Variants in RIT2 observed in about 807,000 individuals in gnomAD.
RIT2 encodes GTP-binding protein Rit2.
RIT2 carries 24 observed loss-of-function variants against 23.7 expected under a neutral mutation model. The observed-to-expected ratio is 1.01, with a 90% CI of 0.73 to 1.43. The LOEUF (loss-of-function observed/expected upper bound fraction) is 1.43. Among genes scored for constraint, RIT2 ranks in the 40% most tolerant of loss-of-function variants. RIT2 has a pLI of 0.00. For missense variants in RIT2, 236 were observed against 266.9 expected, an observed-to-expected ratio of 0.88 and a Z score of 0.81; for synonymous variants, 107 against 91.1, an observed-to-expected ratio of 1.17 and a Z score of -0.99.
intron 3 of RIT2, among the ~76,000 whole-genome samples, chr18:42,965,711 CT>C (rs58344278): frequency 3.9e-3 from 146 of 37,728 alleles, no homozygotes; most frequent in East Asian, 5.2e-3. Context: ...GTACTGATGG[CT>C]TTTTTTTTTT....
chr18:43,064,760 TA>T (rs1912730932), intron 1 of RIT2, among the ~76,000 whole-genome samples: 1 of 152,174 alleles, frequency 6.6e-6, no homozygotes, highest in South Asian at 2.1e-4. Flanking sequence ...TCACTTTACC[TA>T]AAAATTTAAC....
At chr18:42,956,678 T>C (rs1413179381) in intron 3 of RIT2, among the ~76,000 whole-genome samples, 3 of 152,118 alleles carry the variant, frequency 2.0e-5, no homozygotes, top group African/African-American at 7.2e-5. Context: ...GTCTCTTACA[T>C]GTGGGTTAGC....
At chr18:43,020,467 C>T (rs1439890883) in intron 2 of RIT2, among the ~76,000 whole-genome samples, 2 of 151,928 alleles carry the variant, frequency 1.3e-5, no homozygotes, top group African/African-American at 2.4e-5. Flanking sequence ...GCCTGAGCAA[C>T]AGAGTGAGAC....
At chr18:42,794,118 A>G (rs1232354897) in intron 4 of RIT2, among the ~76,000 whole-genome samples, 2 of 152,212 alleles carry the variant, frequency 1.3e-5, no homozygotes, top group East Asian at 1.9e-4. Context: ...TTTTCCTCCA[A>G]GAAAACAGTT....
chr18:42,980,225 G>A (rs1417566998), intron 2 of RIT2, among the ~76,000 whole-genome samples: 1 of 152,040 alleles, frequency 6.6e-6, no homozygotes, highest in African/African-American at 2.4e-5. Context: ...TGAAGACAGG[G>A]TACCACAAGG....
At position 42,858,310 on chromosome 18, in the gene RIT2, T is replaced by C. The variant is rs555169357; in HGVS notation, c.426+65262A>G. Among the ~76,000 whole-genome samples the C allele has an allele frequency of 3.3e-5, 5 of 152,332 alleles. No homozygotes were observed. In the East Asian group the frequency reaches 9.6e-4, roughly 29 times the overall value. ...TCTGCACTTCTGTATGAATACCTGT[T>C]CTGCTCTGGAATCTAAGAGCTCTCA... On this transcript the variant is annotated intron_variant, in intron 4 of 4. Coordinates refer to ENST00000326695, the MANE Select transcript of RIT2 (RefSeq NM_002930.4).
intron 1 of RIT2, among the ~76,000 whole-genome samples, chr18:43,065,291 C>T (rs1222603799): frequency 1.4e-5 from 2 of 142,232 alleles, no homozygotes; most frequent in African/African-American, 5.3e-5. Flanking sequence ...CAGTGTGGCA[C>T]ACAATTATAG....
At chr18:42,797,652 G>A (rs1905407542) in intron 4 of RIT2, among the ~76,000 whole-genome samples, 1 of 152,084 alleles carries the variant, frequency 6.6e-6, no homozygotes, top group African/African-American at 2.4e-5. Flanking sequence ...GAGTCACTAT[G>A]AGGCCTTGAA....
intron 1 of RIT2, 50 bp from the exon 2 acceptor site, chr18:43,033,917 A>G: frequency 2.3e-6 from 3 of 1,291,822 alleles, no homozygotes; most frequent in Non-Finnish European, 3.3e-6. Context: ...CTAATTCATC[A>G]ATAAGTTATT....
chr18:42,881,610 G>A (rs1598697737), intron 4 of RIT2, among the ~76,000 whole-genome samples: 1 of 152,132 alleles, frequency 6.6e-6, no homozygotes, highest in Admixed American at 6.6e-5. Flanking sequence ...AATTGTTCAT[G>A]CTTTTTCCCT....
chr18:42,895,789 T>G (rs1453239072), intron 4 of RIT2, among the ~76,000 whole-genome samples: 1 of 152,176 alleles, frequency 6.6e-6, no homozygotes, highest in African/African-American at 2.4e-5. Flanking sequence ...AAGGGATCTC[T>G]CAGTCACAAT....
chr18:42,979,948 G>A (rs924556272), intron 2 of RIT2, among the ~76,000 whole-genome samples: 1 of 152,142 alleles, frequency 6.6e-6, no homozygotes, highest in African/African-American at 2.4e-5. Context: ...CAGAGGAACT[G>A]ATGTTGAGCT....
intron 1 of RIT2, among the ~76,000 whole-genome samples, chr18:43,042,842 A>G (rs1273296687): frequency 6.6e-6 from 1 of 152,194 alleles, no homozygotes; most frequent in Non-Finnish European, 1.5e-5. Context: ...GACAACAGCA[A>G]CAAAAAATAA....
chr18:42,856,146 G>C (rs534192930), intron 4 of RIT2, among the ~76,000 whole-genome samples: 188 of 152,234 alleles, frequency 1.2e-3, no homozygotes, highest in African/African-American at 4.2e-3. Flanking sequence ...CATCCATAAA[G>C]CCTAAAGATA....
intron 2 of RIT2, among the ~76,000 whole-genome samples, chr18:43,013,627 G>C (rs983313965): frequency 1.3e-5 from 2 of 151,768 alleles, no homozygotes; most frequent in Non-Finnish European, 2.9e-5. Context: ...GCATTATACA[G>C]TGCTGAAGTA....
chr18:42,884,744 A>G (rs949302424), intron 4 of RIT2, among the ~76,000 whole-genome samples: 5 of 152,240 alleles, frequency 3.3e-5, no homozygotes, highest in Admixed American at 3.3e-4. Flanking sequence ...CAGAATAGGT[A>G]AAACTTCAGT....
chr18:42,764,628 C>T (rs922856521), intron 4 of RIT2, among the ~76,000 whole-genome samples: 2 of 152,156 alleles, frequency 1.3e-5, no homozygotes, highest in African/African-American at 2.4e-5. Flanking sequence ...TCCTCTTTCC[C>T]CCATAAATAC....
intron 4 of RIT2, among the ~76,000 whole-genome samples, chr18:42,917,108 C>T (rs755703604): frequency 6.6e-6 from 1 of 152,068 alleles, no homozygotes; most frequent in African/African-American, 2.4e-5. Flanking sequence ...CACTTGATGG[C>T]CGGAAGCTAT....
intron 4 of RIT2, among the ~76,000 whole-genome samples, chr18:42,896,819 T>C (rs1568024392): frequency 6.6e-6 from 1 of 152,302 alleles, no homozygotes; most frequent in South Asian, 2.1e-4. Context: ...AATACAATCA[T>C]AGAGTGAGAA....
Sources: gnomAD v4.1 joint callset for allele counts (sites outside exome capture counted in the v4.1 genomes callset) on GRCh38, gnomAD v4.1.1 for gene constraint, MANE v1.5 for transcripts, NCBI Gene and HGNC (gene_info 2026-07-23, HGNC 2026-07-21) for gene names.